The following COL19A1 variants were observed in gnomAD, a reference collection of about 807,000 sequenced individuals.
COL19A1 encodes the protein collagen alpha-1(XIX) chain.
COL19A1 carries 159 observed loss-of-function variants against 190.2 expected under a neutral mutation model. That is an observed-to-expected ratio of 0.84 (90% confidence interval 0.73 to 0.95). The LOEUF (loss-of-function observed/expected upper bound fraction) is 0.95. Ranked by LOEUF, COL19A1 falls within the 40% of genes least tolerant of loss-of-function variation. The pLI, the probability that COL19A1 is intolerant of heterozygous loss-of-function variation, is 0.00. For synonymous variants in COL19A1, 509 were observed against 458.9 expected, an observed-to-expected ratio of 1.11 and a Z score of -1.39; for missense variants, 1,418 against 1,431.9, an observed-to-expected ratio of 0.99 and a Z score of 0.16.
At chr6:69,920,004 T>A (rs1475907826) in intron 4 of COL19A1, among the ~76,000 whole-genome samples, 1 of 152,058 alleles carries the variant, frequency 6.6e-6, no homozygotes, top group African/African-American at 2.4e-5. Flanking sequence ...TAGGGATAAT[T>A]TATAGGTCAC....
intron 15 of COL19A1, among the ~76,000 whole-genome samples, chr6:70,090,021 A>T (rs1311463830): frequency 6.6e-6 from 1 of 152,080 alleles, no homozygotes; most frequent in Non-Finnish European, 1.5e-5. Context: ...CTACAAAAAA[A>T]TTAACAATTT....
At chr6:69,967,020 G>T (rs1319550458) in intron 11 of COL19A1, among the ~76,000 whole-genome samples, 1 of 152,112 alleles carries the variant, frequency 6.6e-6, no homozygotes, top group Non-Finnish European at 1.5e-5. Context: ...TTAAAATGAT[G>T]ATTATTTTAT....
intron 48 of COL19A1, among the ~76,000 whole-genome samples, chr6:70,193,765 T>C (rs912090999): frequency 1.3e-5 from 2 of 152,202 alleles, no homozygotes; most frequent in African/African-American, 4.8e-5. Context: ...ACCCAGAATT[T>C]AGTTATTTAG....
intron 11 of COL19A1, among the ~76,000 whole-genome samples, chr6:69,980,792 A>G (rs1582593213): frequency 6.6e-6 from 1 of 152,224 alleles, no homozygotes; most frequent in South Asian, 2.1e-4. Flanking sequence ...AGTCAGTGAT[A>G]TGTAATGTAA....
At chr6:69,932,493 T>A (rs1772844518) in intron 6 of COL19A1, among the ~76,000 whole-genome samples, 1 of 152,062 alleles carries the variant, frequency 6.6e-6, no homozygotes, top group Admixed American at 6.6e-5. Context: ...AATAGCTTTT[T>A]TAAAATTAAG....
At chr6:70,077,729 A>G (rs941864357) in intron 15 of COL19A1, among the ~76,000 whole-genome samples, 1 of 152,226 alleles carries the variant, frequency 6.6e-6, no homozygotes, top group African/African-American at 2.4e-5. Context: ...CAATGTGTCT[A>G]TGCAACCGTG....
chr6:70,147,318 T>A (rs1180545436), intron 27 of COL19A1, among the ~76,000 whole-genome samples: 2 of 152,128 alleles, frequency 1.3e-5, no homozygotes, highest in Non-Finnish European at 2.9e-5. Context: ...CTGAGTAACG[T>A]CTTCAGAGTG....
intron 2 of COL19A1, among the ~76,000 whole-genome samples, chr6:69,895,311 G>A (rs1044358537): frequency 6.6e-6 from 1 of 152,204 alleles, no homozygotes; most frequent in Non-Finnish European, 1.5e-5. Context: ...GTCCAAGGAC[G>A]AAAAGGCTTA....
intron 14 of COL19A1, among the ~76,000 whole-genome samples, chr6:70,036,184 T>G (rs1779343395): frequency 6.6e-6 from 1 of 152,220 alleles, no homozygotes; most frequent in Admixed American, 6.5e-5. Flanking sequence ...CTGAGCAATT[T>G]CCTCTATCCT....
In COL19A1 at chr6:69,905,824, G is replaced by A. The variant is rs79643544; in HGVS notation, c.266+5486G>A. Among the ~76,000 whole-genome samples, 821 of 152,246 alleles carry A rather than the reference G, an allele frequency of 5.4e-3. 19 individuals carry two copies. In the East Asian group the frequency reaches 0.066, roughly 12 times the overall value. ...GCTTTAAATTCATGTCCATTCTTCA[G>A]TATTTATGGGATAGCAAATGGTAAG... On this transcript the variant is annotated intron_variant, in intron 4 of 50. Coordinates refer to ENST00000620364, the MANE Select transcript of COL19A1 (RefSeq NM_001858.6).
intron 16 of COL19A1, among the ~76,000 whole-genome samples, chr6:70,106,808 C>A (rs886999363): frequency 6.6e-6 from 1 of 152,174 alleles, no homozygotes; most frequent in African/African-American, 2.4e-5. Flanking sequence ...TGGAGGGAAA[C>A]TATTACATAG....
intron 16 of COL19A1, among the ~76,000 whole-genome samples, chr6:70,114,225 T>A (rs1387781614): frequency 6.6e-6 from 1 of 152,154 alleles, no homozygotes; most frequent in Non-Finnish European, 1.5e-5. Flanking sequence ...ACCTCATTAA[T>A]CCTGTGATCT....
intron 15 of COL19A1, among the ~76,000 whole-genome samples, chr6:70,072,958 A>ATTTT (rs1170323441): frequency 2.3e-4 from 24 of 105,268 alleles, no homozygotes; most frequent in Middle Eastern, 4.4e-3. Flanking sequence ...GATTGCCTGA[A>ATTTT]TTTTATTTAT....
chr6:69,950,816 T>C (rs1255021654), intron 9 of COL19A1, among the ~76,000 whole-genome samples: 1 of 151,518 alleles, frequency 6.6e-6, no homozygotes, highest in Non-Finnish European at 1.5e-5. Flanking sequence ...AATATAACAC[T>C]CAAATCATGT....
intron 18 of COL19A1, among the ~76,000 whole-genome samples, chr6:70,136,820 T>G (rs1199701839): frequency 6.6e-6 from 1 of 152,084 alleles, no homozygotes; most frequent in Non-Finnish European, 1.5e-5. Flanking sequence ...ATAGGCCAGG[T>G]AGGCAAAAAC....
chr6:69,997,194 T>C (rs867880625), intron 11 of COL19A1, among the ~76,000 whole-genome samples: 1 of 152,084 alleles, frequency 6.6e-6, no homozygotes, highest in African/African-American at 2.4e-5. Context: ...TTGAATGCCT[T>C]CTCCAACCCA....
At chr6:69,974,806 CTT>C (rs35518948) in intron 11 of COL19A1, among the ~76,000 whole-genome samples, 1,122 of 92,944 alleles carry the variant, frequency 0.012, 9 homozygotes, top group African/African-American at 0.05. Context: ...AGACAGCTTC[CTT>C]TTTTTTTTTT....
Position 70,034,242 on chromosome 6 carries a change from C to A in COL19A1, c.1081-3C>A, listed in dbSNP as rs557125647. 4.0e-5 allele frequency: 64 copies of A among 1,606,164 alleles called. 1 individual carries two copies. The South Asian group carries it at 6.5e-4, about 16-fold the overall frequency. ...CTGTGTATTGGTTATATTCTTTCTA[C>A]AGGGTTTGAAAGGTGACTTGGGTCC... is the stretch of plus-strand genomic sequence containing the variant. On this transcript the variant is annotated splice_region_variant and splice_polypyrimidine_tract_variant and intron_variant, in intron 12 of 50. Transcript: ENST00000620364.
rs954989755 is a variant in COL19A1 at position 70,120,045 on chromosome 6, C to T, written c.1279-1835C>T. On this transcript the variant is annotated intron_variant, in intron 16 of 50. Transcript: ENST00000620364. ...GGCAGAGGTTGCAGTGAGCTGAGAT[C>T]GTGCCACTGCACTCCAGCCTGGGTG... Among the ~76,000 whole-genome samples the T allele has an allele frequency of 9.9e-5, 15 of 152,230 alleles. No homozygotes were observed. In the East Asian group the frequency reaches 1.7e-3, roughly 18 times the overall value.
Sources: allele counts gnomAD v4.1 joint callset (sites outside exome capture counted in the v4.1 genomes callset), GRCh38; gene constraint gnomAD v4.1.1; transcripts MANE v1.5; gene names NCBI Gene and HGNC (gene_info 2026-07-23, HGNC 2026-07-21).